DOCK4: variants seen among roughly 807,000 people sequenced by gnomAD.
The protein encoded by DOCK4 is dedicator of cytokinesis 4.
DOCK4 carries 97 observed loss-of-function variants against 268.1 expected under a neutral mutation model. That is an observed-to-expected ratio of 0.36 (90% confidence interval 0.31 to 0.43). The LOEUF is 0.43. DOCK4 is among the 20% of genes least tolerant of loss of function. The pLI is 1.00. For synonymous variants in DOCK4, 954 were observed against 887.2 expected (o/e 1.08, Z -1.34); for missense variants, 2,145 against 2,455.7 (o/e 0.87, Z 2.67).
intron 32 of DOCK4, among the ~76,000 whole-genome samples, chr7:111,785,981 T>C (rs1344245375): frequency 6.6e-6 from 1 of 152,144 alleles, no homozygotes; most frequent in African/African-American, 2.4e-5. Flanking sequence ...AATCTCCCTC[T>C]CTCGGTATCA....
At chr7:111,888,844 T>G (rs778579242) in intron 16 of DOCK4, among the ~76,000 whole-genome samples, 31 of 152,058 alleles carry the variant, frequency 2.0e-4, no homozygotes, top group Non-Finnish European at 4.0e-4. Flanking sequence ...GGGGAGCTCT[T>G]CACAAGAGGG....
chr7:111,953,147 A>T (rs1439743898), intron 8 of DOCK4, among the ~76,000 whole-genome samples: 1 of 151,912 alleles, frequency 6.6e-6, no homozygotes, highest in African/African-American at 2.4e-5. Flanking sequence ...GGATCACTTG[A>T]GCCCAGGAGG....
At chr7:112,009,517 A>C (rs1195256873) in intron 1 of DOCK4, among the ~76,000 whole-genome samples, 1 of 152,248 alleles carries the variant, frequency 6.6e-6, no homozygotes, top group Non-Finnish European at 1.5e-5. Flanking sequence ...GTCTGAAAAC[A>C]TAGCAGTGTC....
intron 16 of DOCK4, among the ~76,000 whole-genome samples, chr7:111,892,167 T>C (rs554208088): frequency 2.0e-5 from 3 of 152,308 alleles, no homozygotes; most frequent in African/African-American, 7.2e-5. Flanking sequence ...AGAATGTTCA[T>C]CCGTATTTTT....
At chr7:111,798,645 A>G (rs1274202990) in intron 30 of DOCK4, among the ~76,000 whole-genome samples, 1 of 152,222 alleles carries the variant, frequency 6.6e-6, no homozygotes, top group Non-Finnish European at 1.5e-5. Context: ...ACTGTCCTCT[A>G]GGGAAAGCTC....
chr7:111,781,867 A>C (rs1798803896), intron 35 of DOCK4, among the ~76,000 whole-genome samples: 1 of 152,208 alleles, frequency 6.6e-6, no homozygotes, highest in African/African-American at 2.4e-5. Flanking sequence ...AAGTAGGGGC[A>C]AAAGAATTTC....
At chr7:111,956,669 C>T (rs1026491635) in intron 8 of DOCK4, among the ~76,000 whole-genome samples, 8 of 152,034 alleles carry the variant, frequency 5.3e-5, no homozygotes, top group African/African-American at 1.4e-4. Flanking sequence ...TGACTATTCC[C>T]CTATCTATTT....
intron 1 of DOCK4, among the ~76,000 whole-genome samples, chr7:112,008,459 T>A (rs1195822348): frequency 6.6e-6 from 1 of 152,232 alleles, no homozygotes; most frequent in Non-Finnish European, 1.5e-5. Flanking sequence ...TAGTACGTAT[T>A]GACAGTTTAT....
chr7:112,145,303 G>A (rs1165509860), intron 1 of DOCK4, among the ~76,000 whole-genome samples: 1 of 152,160 alleles, frequency 6.6e-6, no homozygotes, highest in African/African-American at 2.4e-5. Context: ...GCAAAGCTTT[G>A]TTGTAACTTG....
chr7:112,155,248 G>C (rs1563138920), intron 1 of DOCK4, among the ~76,000 whole-genome samples: 1 of 152,098 alleles, frequency 6.6e-6, no homozygotes, highest in Non-Finnish European at 1.5e-5. Context: ...GTAAAAATTT[G>C]TTTCATGTAT....
At chr7:111,984,740 G>C (rs535817494) in intron 6 of DOCK4, among the ~76,000 whole-genome samples, 2 of 152,290 alleles carry the variant, frequency 1.3e-5, no homozygotes, top group South Asian at 2.1e-4. Context: ...ATGGAAACTA[G>C]AGCTAGACAT....
intron 1 of DOCK4, among the ~76,000 whole-genome samples, chr7:112,134,797 G>A (rs1433994255): frequency 7.2e-6 from 1 of 138,862 alleles, no homozygotes; most frequent in Non-Finnish European, 1.7e-5. Flanking sequence ...AAAATTATAA[G>A]TATATCAAGG....
In DOCK4 at chr7:112,206,182, C is replaced by A. The variant is rs1322710699; in HGVS notation, c.-44G>T. 1 of 1,551,170 alleles carries A rather than the reference C, an allele frequency of 6.4e-7. No homozygotes were observed. The highest frequency in any genetic ancestry group is 8.7e-7 in the Non-Finnish European group (1 of 1,145,018). ...GTCTTCAGGCTTTGTAATCCCCGCGCCCCTTCTCCGGCTCACAACAATGCA... is the reference window on the plus strand; with the variant it reads ...GTCTTCAGGCTTTGTAATCCCCGCGACCCTTCTCCGGCTCACAACAATGCA... On this transcript the variant is annotated 5_prime_UTR_variant, in exon 1 of 53. Transcript: ENST00000428084.
chr7:111,732,395 G>A (rs942053808), intron 51 of DOCK4, 108 bp from the exon 52 acceptor site: 3 of 1,120,408 alleles, frequency 2.7e-6, no homozygotes, highest in Non-Finnish European at 2.6e-6. Flanking sequence ...AGTGCATAAG[G>A]ACCTTCTAAG....
chr7:112,162,431 AC>A (rs775029046), intron 1 of DOCK4, among the ~76,000 whole-genome samples: 1 of 151,876 alleles, frequency 6.6e-6, no homozygotes, highest in Non-Finnish European at 1.5e-5. Context: ...TAGGAATGTG[AC>A]CCAAGCAGGA....
At chr7:111,763,337 C>G (rs1326818675) in intron 39 of DOCK4, among the ~76,000 whole-genome samples, 1 of 152,138 alleles carries the variant, frequency 6.6e-6, no homozygotes, top group Non-Finnish European at 1.5e-5. Context: ...AAAGGTCAGG[C>G]TCCAGGATTC....
chr7:111,840,773 C>T, intron 25 of DOCK4: 1 of 1,308,504 alleles, frequency 7.6e-7, no homozygotes, highest in Non-Finnish European at 9.9e-7. Flanking sequence ...AGTGTGTCTA[C>T]TTGTCATGGG....
At chr7:111,998,366 A>G (rs1800138020) in intron 4 of DOCK4, 82 bp downstream of exon 4, 2 of 1,104,346 alleles carry the variant, frequency 1.8e-6, no homozygotes, top group Non-Finnish European at 2.6e-6. Context: ...ATTTTTCAAG[A>G]CAATTACTAT....
chr7:111,978,913 G>A (rs6946299), intron 7 of DOCK4, among the ~76,000 whole-genome samples: 34,686 of 151,932 alleles, frequency 0.23, 4,144 homozygotes, highest in East Asian at 0.38. Context: ...TTAATAGAAC[G>A]GGTGCTAAAA....
Sources: allele counts gnomAD v4.1 joint callset (sites outside exome capture counted in the v4.1 genomes callset), GRCh38; gene constraint gnomAD v4.1.1; transcripts MANE v1.5; gene names NCBI Gene and HGNC (gene_info 2026-07-23, HGNC 2026-07-21).